RRAGC: variants seen among roughly 807,000 people sequenced by gnomAD.
RRAGC encodes the protein Ras related GTP binding C.
In RRAGC, 8 loss-of-function variants were observed where a neutral mutation model predicts 37.1. The observed-to-expected ratio is 0.22, with a 90% CI of 0.13 to 0.39. The LOEUF is 0.39. Among genes scored for constraint, RRAGC ranks in the 10% least tolerant of loss-of-function variants. The pLI, the probability that RRAGC is intolerant of heterozygous loss-of-function variation, is 1.00. For synonymous variants in RRAGC, 190 were observed against 181.1 expected, an observed-to-expected ratio of 1.05 and a Z score of -0.39; for missense variants, 342 against 497.6, an observed-to-expected ratio of 0.69 and a Z score of 2.98.
chr1:38,859,377 AGGGG>A, intron 1 of RRAGC, 29 bp downstream of exon 1: 2 of 1,532,752 alleles, frequency 1.3e-6, no homozygotes, highest in South Asian at 2.4e-5. Flanking sequence ...AGAACCGGGG[AGGGG>A]GCGGGGGACT....
At chr1:38,859,285 G>T in intron 1 of RRAGC, 125 bp downstream of exon 1, 1 of 918,994 alleles carries the variant, frequency 1.1e-6, no homozygotes, top group Non-Finnish European at 1.6e-6. Flanking sequence ...GCTCGCAAGA[G>T]TGGAAGAGAA....
chr1:38,844,967 A>G (rs56196215), intron 6 of RRAGC, among the ~76,000 whole-genome samples: 32,825 of 152,196 alleles, frequency 0.22, 4,144 homozygotes, highest in African/African-American at 0.35. Flanking sequence ...TTAAAAAGTC[A>G]GGAAACAACA....
chr1:38,857,977 G>A (rs948824202), intron 1 of RRAGC, among the ~76,000 whole-genome samples: 4 of 151,770 alleles, frequency 2.6e-5, no homozygotes, highest in Non-Finnish European at 4.4e-5. Flanking sequence ...AAAAAAAAAA[G>A]GATCACAATA....
intron 3 of RRAGC, among the ~76,000 whole-genome samples, chr1:38,852,989 T>C (rs1642119118): frequency 6.6e-6 from 1 of 152,224 alleles, no homozygotes; most frequent in African/African-American, 2.4e-5. Context: ...TTCACACCAC[T>C]GGTAAGTACT....
chr1:38,858,302 G>GA (rs1435020435), intron 1 of RRAGC, among the ~76,000 whole-genome samples: 1 of 152,192 alleles, frequency 6.6e-6, no homozygotes, highest in Admixed American at 6.5e-5. Flanking sequence ...GTGGAGAGGT[G>GA]AAAAGACCAG....
chr1:38,850,509 G>A (rs1390828475), intron 5 of RRAGC, among the ~76,000 whole-genome samples: 6 of 121,354 alleles, frequency 4.9e-5, no homozygotes, highest in East Asian at 2.2e-4. Context: ...GCAAGACTCC[G>A]TTTAATAAAT....
Position 38,857,734 on chromosome 1 carries a change from C to T in RRAGC, c.238-652G>A, listed in dbSNP as rs184252168. On this transcript the variant is annotated intron_variant, in intron 1 of 6. Coordinates refer to ENST00000373001, the MANE Select transcript of RRAGC (RefSeq NM_022157.4). ...CAGCACTTTAGGCGGCCGAGGCGGGCGGATCACTTGAGGTCAGGAGTTCGA... is the reference window on the plus strand; with the variant it reads ...CAGCACTTTAGGCGGCCGAGGCGGGTGGATCACTTGAGGTCAGGAGTTCGA... Among the ~76,000 whole-genome samples, 19 of 152,270 alleles carry T rather than the reference C, an allele frequency of 1.2e-4. No individual in the cohort carries two copies. The East Asian group carries it at 3.5e-3, about 28-fold the overall frequency.
Position 38,839,008 on chromosome 1 carries a change from G to A in RRAGC, c.*545C>T, listed in dbSNP as rs537453484. On this transcript the variant is annotated 3_prime_UTR_variant, in exon 7 of 7. Coordinates refer to ENST00000373001, the MANE Select transcript of RRAGC (RefSeq NM_022157.4). ...ATTTTCTCTCATTTCTTCAATATAG[G>A]AATGTCTTGCTGCAGACTATGTGTC... 8.5e-5 allele frequency: 13 copies of A among 152,326 alleles called. No homozygotes were observed. The East Asian group carries it at 2.3e-3, about 27-fold the overall frequency. 9.4% of individuals were successfully genotyped at this position (152,326 alleles called of 1,614,324 possible). A position where few individuals can be genotyped will look rare whatever the true frequency, so the allele number is the denominator to read the frequency against.
chr1:38,859,267 G>T, intron 1 of RRAGC, 143 bp downstream of exon 1: 2 of 815,784 alleles, frequency 2.5e-6, no homozygotes, highest in Non-Finnish European at 3.8e-6. Flanking sequence ...CGCGGGCCGC[G>T]CCTGTGCGCT....
chr1:38,839,705 C>G lies in RRAGC; in HGVS notation c.1049-1G>C. ...CAGTGGAAGTTGTAGTCTATTAAAC[C>G]TGCAGGAAGGAAAAAGAAAAGAATG... On this transcript the variant is annotated splice_acceptor_variant, in intron 6 of 6. Transcript: ENST00000373001. LOFTEE classifies it high-confidence loss of function. The G allele has an allele frequency of 6.2e-7, 1 of 1,613,500 alleles. No individual in the cohort carries two copies. Among genetic ancestry groups the G allele is most frequent in the Non-Finnish European group, 8.5e-7 (1 of 1,179,768 alleles).
At chr1:38,858,147 A>T (rs1311320053) in intron 1 of RRAGC, among the ~76,000 whole-genome samples, 1 of 152,196 alleles carries the variant, frequency 6.6e-6, no homozygotes, top group African/African-American at 2.4e-5. Context: ...TTTGCTGTAG[A>T]GGTGAAAATC....
chr1:38,855,081 C>A (rs971167095), intron 3 of RRAGC, among the ~76,000 whole-genome samples: 1 of 152,116 alleles, frequency 6.6e-6, no homozygotes, highest in African/African-American at 2.4e-5. Flanking sequence ...AACCAATAGT[C>A]CTCTAAATTT....
At chr1:38,845,389 A>G (rs1182716734) in intron 6 of RRAGC, among the ~76,000 whole-genome samples, 2 of 152,108 alleles carry the variant, frequency 1.3e-5, no homozygotes, top group South Asian at 4.1e-4. Context: ...AAAACCAAAT[A>G]CTGCATGTTC....
chr1:38,844,178 GACAGAAGTATGAC>G (rs1298898590), intron 6 of RRAGC, among the ~76,000 whole-genome samples: 1 of 152,072 alleles, frequency 6.6e-6, no homozygotes, highest in Non-Finnish European at 1.5e-5. Flanking sequence ...CGTAACTAGT[GACAGAAGTATGAC>G]AGCCACGAGA....
chr1:38,849,684 G>C (rs958548979), intron 5 of RRAGC, among the ~76,000 whole-genome samples: 8 of 151,784 alleles, frequency 5.3e-5, no homozygotes, highest in Non-Finnish European at 1.2e-4. Flanking sequence ...GTGAGACTCT[G>C]TCTCAAAAAA....
chr1:38,859,359 G>C (rs1251784383), intron 1 of RRAGC, 51 bp downstream of exon 1: 1 of 1,498,038 alleles, frequency 6.7e-7, no homozygotes, highest in South Asian at 1.2e-5. Flanking sequence ...CCCGCTACCG[G>C]CCACCTGAGA....
intron 6 of RRAGC, among the ~76,000 whole-genome samples, chr1:38,843,966 T>C (rs1641997821): frequency 6.6e-6 from 1 of 151,646 alleles, no homozygotes; most frequent in Non-Finnish European, 1.5e-5. Flanking sequence ...TCACTGACAG[T>C]GAAAATGGAA....
At chr1:38,852,942 C>T (rs546910671) in intron 3 of RRAGC, among the ~76,000 whole-genome samples, 1 of 152,234 alleles carries the variant, frequency 6.6e-6, no homozygotes, top group South Asian at 2.1e-4. Context: ...ACTCGTGTAC[C>T]CAAGGCTTTC....
chr1:38,839,562 G>A lies in RRAGC; in HGVS notation c.1191C>T (p.Asn397=), dbSNP rs150676565. The A allele has an allele frequency of 1.5e-5, 25 of 1,613,930 alleles. No homozygotes were observed. The highest frequency in any genetic ancestry group is 4.5e-5 in the East Asian group (2 of 44,882). Reference sequence around the variant, plus strand: ...GACGCTGGGATTCAGACTAGATGGCGTTTCGTGGCGTGCCATTGTGTGTCA... The same window carrying A: ...GACGCTGGGATTCAGACTAGATGGCATTTCGTGGCGTGCCATTGTGTGTCA... The part of the protein sequence containing the change: ...KALTHNGTPR[N]AI Residue 397 remains asparagine (N), a synonymous_variant, in exon 7 of 7, where the codon AAC becomes AAT. Transcript: ENST00000373001.
Sources: allele counts gnomAD v4.1 joint callset (sites outside exome capture counted in the v4.1 genomes callset), GRCh38; gene constraint gnomAD v4.1.1; transcripts MANE v1.5; gene names NCBI Gene and HGNC (gene_info 2026-07-23, HGNC 2026-07-21).